FAM133B: variants seen among roughly 807,000 people sequenced by gnomAD.
FAM133B encodes the protein protein FAM133B.
Under a neutral mutation model 46.4 loss-of-function variants are expected in FAM133B, and 25 were observed. The ratio of observed to expected loss-of-function variants is 0.54; its 90% CI spans 0.39 to 0.75. The LOEUF (loss-of-function observed/expected upper bound fraction) is 0.75. Ranked by LOEUF, FAM133B falls within the 30% of genes least tolerant of loss-of-function variation. The pLI is 0.00. For missense variants in FAM133B, 205 were observed against 277.6 expected (o/e 0.74, Z 1.86); for synonymous variants, 75 against 86.0 (o/e 0.87, Z 0.71).
intron 1 of FAM133B, among the ~76,000 whole-genome samples, chr7:92,583,220 A>G (rs111293517): frequency 0.019 from 2,931 of 152,350 alleles, 50 homozygotes; most frequent in Non-Finnish European, 0.032. Context: ...ATGAAATAAA[A>G]CAAGAAAAAC....
chr7:92,574,911 CA>C (rs5885810), intron 8 of FAM133B, among the ~76,000 whole-genome samples: 485 of 110,376 alleles, frequency 4.4e-3, no homozygotes, highest in African/African-American at 7.4e-3. Context: ...GACTCCGTCT[CA>C]AAAAAAAAAA....
At chr7:92,568,511 C>T (rs1179181369) in intron 9 of FAM133B, among the ~76,000 whole-genome samples, 1 of 150,670 alleles carries the variant, frequency 6.6e-6, no homozygotes, top group Non-Finnish European at 1.5e-5. Context: ...GCACCTGCCA[C>T]CACGCCTGGC....
In FAM133B at chr7:92,578,166, T is replaced by C. The variant is rs1794758244; in HGVS notation, c.293A>G (p.Lys98Arg). ...SKKRQRKKKE[K>R]KKSGRYSSSS... ...TTTGCTCACCCTACCAGATTTCTTC[T>C]TTTCTTTTTTCTTTCTCTAAATGGA... is the stretch of plus-strand genomic sequence containing the variant. The change falls in exon 5 of 11, where the codon AAG (lysine) becomes AGG (arginine). Residue 98 changes from lysine to arginine, a missense_variant. Coordinates refer to ENST00000445716, the MANE Select transcript of FAM133B (RefSeq NM_152789.4). The C allele has an allele frequency of 6.2e-7, 1 of 1,610,226 alleles. No individual in the cohort carries two copies. Among genetic ancestry groups the C allele is most frequent in the South Asian group, 1.1e-5 (1 of 89,952 alleles).
intron 1 of FAM133B, among the ~76,000 whole-genome samples, chr7:92,583,251 T>C (rs923264429): frequency 6.6e-6 from 1 of 152,218 alleles, no homozygotes; most frequent in Non-Finnish European, 1.5e-5. Context: ...AAATATATGA[T>C]TCCATTTATA....
At position 92,561,831 on chromosome 7, in the gene FAM133B, A is replaced by AGG. The variant is rs1446979611; in HGVS notation, c.*449_*450dup. 1 of 110,428 alleles carries AGG rather than the reference A, an allele frequency of 9.1e-6. No individual in the cohort carries two copies. The highest frequency in any genetic ancestry group is 1.8e-5 in the Non-Finnish European group (1 of 54,904). 6.8% of individuals were successfully genotyped at this position (110,428 alleles called of 1,614,324 possible). ...TTCCCCAGGTAAATAAAAGTATACGAGGGGAAAAAATTAAAATACACTTAT... is the reference window on the plus strand; with the variant it reads ...TTCCCCAGGTAAATAAAAGTATACGAGGGGGGAAAAAATTAAAATACACTTAT... On this transcript the variant is annotated 3_prime_UTR_variant, in exon 11 of 11. Transcript: ENST00000445716.
intron 1 of FAM133B, among the ~76,000 whole-genome samples, chr7:92,581,979 T>C (rs1239983216): frequency 1.3e-5 from 2 of 152,210 alleles, no homozygotes; most frequent in Admixed American, 1.3e-4. Context: ...CTTGGTGCAG[T>C]GGCTCACGCC....
intron 7 of FAM133B, among the ~76,000 whole-genome samples, 172 bp downstream of exon 7, chr7:92,576,931 T>C (rs913983235): frequency 2.6e-5 from 4 of 152,220 alleles, no homozygotes; most frequent in African/African-American, 9.6e-5. Flanking sequence ...ATGAAAGCAC[T>C]TGAATTATTA....
intron 8 of FAM133B, 95 bp downstream of exon 8, chr7:92,575,676 A>G: frequency 5.6e-6 from 3 of 537,880 alleles, no homozygotes; most frequent in Non-Finnish European, 9.3e-6. Context: ...AACAAAATAA[A>G]TATATCTCTT....
chr7:92,565,669 T>C, intron 10 of FAM133B: 1 of 200,270 alleles, frequency 5.0e-6, no homozygotes, highest in Non-Finnish European at 1.0e-5. Flanking sequence ...TTCACCGTGT[T>C]AGCCAGGATG....
Position 92,575,743 on chromosome 7 carries a change from T to C in FAM133B, c.516+28A>G, listed in dbSNP as rs752872789. On this transcript the variant is annotated intron_variant, in intron 8 of 10. Transcript: ENST00000445716. ...CAATTAAGTATTATATGACAGACTATCTTAAGGCAATGTAAAAGTATAGTT... is the reference window on the plus strand; with the variant it reads ...CAATTAAGTATTATATGACAGACTACCTTAAGGCAATGTAAAAGTATAGTT... 1.3e-5 allele frequency: 17 copies of C among 1,265,898 alleles called. No homozygotes were observed. The Admixed American group carries it at 2.4e-4, about 18-fold the overall frequency. 78.4% of individuals were successfully genotyped at this position (1,265,898 alleles called of 1,614,324 possible).
At chr7:92,588,978 T>C (rs1795114009) in intron 1 of FAM133B, among the ~76,000 whole-genome samples, 2 of 152,318 alleles carry the variant, frequency 1.3e-5, no homozygotes, top group South Asian at 4.1e-4. Flanking sequence ...CTTTATAAAT[T>C]ACCCAGCCTC....
chr7:92,572,562 A>C (rs1794563483), intron 8 of FAM133B, among the ~76,000 whole-genome samples: 1 of 152,152 alleles, frequency 6.6e-6, no homozygotes, highest in South Asian at 2.1e-4. Context: ...TACTGAAAAT[A>C]CAAAAAAGTA....
At chr7:92,575,567 T>C (rs1055462645) in intron 8 of FAM133B, among the ~76,000 whole-genome samples, 2 of 152,360 alleles carry the variant, frequency 1.3e-5, no homozygotes, top group South Asian at 4.1e-4. Flanking sequence ...TTAATCTATA[T>C]AAATTCAAAC....
chr7:92,586,116 G>A (rs28679544), intron 1 of FAM133B, among the ~76,000 whole-genome samples: 37,342 of 152,026 alleles, frequency 0.25, 5,260 homozygotes, highest in African/African-American at 0.39. Context: ...AGAGGAAAAT[G>A]CTAGTAAAGT....
At chr7:92,577,879 T>C (rs1562894678) in intron 5 of FAM133B, 162 bp from the exon 6 acceptor site, 3 of 690,514 alleles carry the variant, frequency 4.3e-6, no homozygotes, top group Non-Finnish European at 7.3e-6. Context: ...TTGTTCCCTG[T>C]ACAAAAGCTC....
At chr7:92,590,172 C>A (rs892853925) in intron 1 of FAM133B, 96 bp downstream of exon 1, 461 of 1,595,400 alleles carry the variant, frequency 2.9e-4, no homozygotes, top group Admixed American at 5.7e-4. Flanking sequence ...TGAGGGCTGC[C>A]GCTTGCCCTC....
chr7:92,564,696 A>C (rs1283272622), intron 10 of FAM133B, among the ~76,000 whole-genome samples: 1 of 152,112 alleles, frequency 6.6e-6, no homozygotes, highest in Non-Finnish European at 1.5e-5. Context: ...TGATGTTTTC[A>C]TTTTTCTTTC....
chr7:92,567,233 A>T (rs1794380618), intron 9 of FAM133B, among the ~76,000 whole-genome samples: 1 of 152,200 alleles, frequency 6.6e-6, no homozygotes, highest in Non-Finnish European at 1.5e-5. Flanking sequence ...AATAAGAATA[A>T]ATAAGCTGAA....
chr7:92,564,313 G>A (rs1182917034), intron 10 of FAM133B, among the ~76,000 whole-genome samples: 1 of 152,130 alleles, frequency 6.6e-6, no homozygotes, highest in Non-Finnish European at 1.5e-5. Context: ...CGTCCCCACA[G>A]TATCTCTCTC....
Sources: allele counts gnomAD v4.1 joint callset (sites outside exome capture counted in the v4.1 genomes callset), GRCh38; gene constraint gnomAD v4.1.1; transcripts MANE v1.5; gene names NCBI Gene and HGNC (gene_info 2026-07-23, HGNC 2026-07-21).